The following SCHIP1 variants were observed in gnomAD, a reference collection of about 807,000 sequenced individuals.
SCHIP1 encodes schwannomin interacting protein 1, also known as schwannomin-interacting protein 1.
In SCHIP1, 8 loss-of-function variants were observed where a neutral mutation model predicts 29.7. The observed-to-expected ratio is 0.27, with a 90% CI of 0.16 to 0.49. The LOEUF (loss-of-function observed/expected upper bound fraction) is 0.49, where lower values mean the gene tolerates loss of function less well. Among genes scored for constraint, SCHIP1 ranks in the 20% least tolerant of loss-of-function variants. SCHIP1 has a pLI of 0.99. For synonymous variants in SCHIP1, 76 were observed against 94.9 expected (o/e 0.80, Z 1.16); for missense variants, 193 against 294.6 (o/e 0.66, Z 2.52).
chr3:159,762,877 C>T, the SCHIP1 span, among the ~76,000 whole-genome samples: 1 of 152,336 alleles, frequency 6.6e-6, no homozygotes, highest in South Asian at 2.1e-4. Context: ...GCGGATGTGC[C>T]AAGGGCACCC....
the SCHIP1 span, among the ~76,000 whole-genome samples, chr3:159,419,033 T>C: frequency 6.6e-6 from 1 of 152,184 alleles, no homozygotes; most frequent in African/African-American, 2.4e-5. Flanking sequence ...TGAAATCTAG[T>C]CCACTTCTCA....
the SCHIP1 span, chr3:159,282,555 C>T: frequency 2.6e-5 from 4 of 151,340 alleles, no homozygotes; most frequent in African/African-American, 7.3e-5. Context: ...CTGGTTTCAA[C>T]TTTATCATTT....
chr3:159,508,349 TTC>T, the SCHIP1 span, among the ~76,000 whole-genome samples: 2 of 152,210 alleles, frequency 1.3e-5, no homozygotes, highest in Admixed American at 1.3e-4. Flanking sequence ...TATTTGATTC[TTC>T]TCTCTTTTCT....
chr3:159,462,936 G>T, the SCHIP1 span, among the ~76,000 whole-genome samples: 12 of 152,154 alleles, frequency 7.9e-5, no homozygotes, highest in East Asian at 2.3e-3. Context: ...AACTAATTAG[G>T]TAAGTATGGT....
At chr3:159,323,045 G>T in the SCHIP1 span, among the ~76,000 whole-genome samples, 1 of 152,278 alleles carries the variant, frequency 6.6e-6, no homozygotes, top group South Asian at 2.1e-4. Flanking sequence ...GCGGCGGACT[G>T]GGAAGATGTG....
chr3:159,508,864 T>G, the SCHIP1 span, among the ~76,000 whole-genome samples: 1 of 152,352 alleles, frequency 6.6e-6, no homozygotes, highest in East Asian at 1.9e-4. Context: ...CTTTTACATT[T>G]GCTGAGGAGT....
At chr3:159,677,200 G>A in the SCHIP1 span, among the ~76,000 whole-genome samples, 1 of 152,144 alleles carries the variant, frequency 6.6e-6, no homozygotes, top group Admixed American at 6.5e-5. Flanking sequence ...TTCATTTGAG[G>A]GAATTTGATT....
At chr3:159,817,077 G>A in the SCHIP1 span, among the ~76,000 whole-genome samples, 1 of 152,084 alleles carries the variant, frequency 6.6e-6, no homozygotes, top group African/African-American at 2.4e-5. Flanking sequence ...TCTTATCTCT[G>A]TATTCCTTGA....
chr3:159,864,323 G>T (rs569572478), intron 1 of SCHIP1, among the ~76,000 whole-genome samples: 3 of 152,164 alleles, frequency 2.0e-5, no homozygotes, highest in East Asian at 1.9e-4. Flanking sequence ...AGGCATTCTT[G>T]CTTCCCTCCA....
the SCHIP1 span, among the ~76,000 whole-genome samples, chr3:159,738,963 C>A: frequency 6.6e-6 from 1 of 152,158 alleles, no homozygotes; most frequent in Non-Finnish European, 1.5e-5. Flanking sequence ...GGTTCAAAGT[C>A]CATAGGAGCC....
At chr3:159,868,036 T>TAC (rs888552407) in intron 2 of SCHIP1, among the ~76,000 whole-genome samples, 11 of 148,840 alleles carry the variant, frequency 7.4e-5, no homozygotes, top group African/African-American at 2.4e-4. Context: ...TTTATATATA[T>TAC]ACACACACAT....
the SCHIP1 span, among the ~76,000 whole-genome samples, chr3:159,577,094 A>T: frequency 6.6e-6 from 1 of 152,204 alleles, no homozygotes; most frequent in Non-Finnish European, 1.5e-5. Flanking sequence ...ATTAAAGAAC[A>T]TAATTTTCAT....
the SCHIP1 span, among the ~76,000 whole-genome samples, chr3:159,556,459 A>G: frequency 2.6e-5 from 4 of 152,150 alleles, no homozygotes; most frequent in African/African-American, 9.7e-5. Context: ...CTATAAAGAC[A>G]CATGCACACA....
Position 159,887,554 on chromosome 3 carries a change from T to C in SCHIP1, c.268-154T>C, listed in dbSNP as rs1717085480. On this transcript the variant is annotated intron_variant, in intron 3 of 6. Coordinates refer to ENST00000445224, the Ensembl canonical transcript of SCHIP1. ...ATTTTAAACTAGACCCTTTTTCTGT[T>C]ACTTGAGATTTATCAACTCAAGTAG... The C allele has an allele frequency of 7.8e-6, 6 of 773,108 alleles. 1 individual carries two copies. In the South Asian group the frequency reaches 1.0e-4, roughly 13 times the overall value. The allele number at this position is 773,108 out of a possible 1,614,324, so 47.9% of individuals were successfully genotyped here. A position where few individuals can be genotyped will look rare whatever the true frequency, so the allele number is the denominator to read the frequency against.
the SCHIP1 span, among the ~76,000 whole-genome samples, chr3:159,619,603 C>A: frequency 6.6e-6 from 1 of 152,194 alleles, no homozygotes. Flanking sequence ...TGGCTTCTGC[C>A]AAACAAAGGC....
chr3:159,565,220 G>C, the SCHIP1 span, among the ~76,000 whole-genome samples: 3 of 152,108 alleles, frequency 2.0e-5, no homozygotes, highest in African/African-American at 7.2e-5. Flanking sequence ...TGCTTAGTTA[G>C]CATAGCTTAC....
chr3:159,571,614 T>C, the SCHIP1 span, among the ~76,000 whole-genome samples: 1 of 152,174 alleles, frequency 6.6e-6, no homozygotes, highest in Admixed American at 6.5e-5. Context: ...CTGCCAGGCT[T>C]TGGTATCAGG....
At chr3:159,489,830 A>G in the SCHIP1 span, among the ~76,000 whole-genome samples, 1 of 152,136 alleles carries the variant, frequency 6.6e-6, no homozygotes, top group Admixed American at 6.5e-5. Flanking sequence ...TTGATAAACA[A>G]GGTGGTGGTG....
the SCHIP1 span, among the ~76,000 whole-genome samples, chr3:159,650,853 T>C: frequency 3.3e-5 from 5 of 152,276 alleles, no homozygotes; most frequent in East Asian, 7.7e-4. Flanking sequence ...ATGGGAAACA[T>C]GTGGTACTGT....
Sources: gnomAD v4.1 joint callset for allele counts (sites outside exome capture counted in the v4.1 genomes callset) on GRCh38, gnomAD v4.1.1 for gene constraint, MANE v1.5 for transcripts, NCBI Gene and HGNC (gene_info 2026-07-23, HGNC 2026-07-21) for gene names.